The following NRG3 variants were observed in gnomAD, a reference collection of about 807,000 sequenced individuals.
NRG3 encodes the protein neuregulin 3, also known as pro-neuregulin-3, membrane-bound isoform.
A neutral mutation model predicts 66.9 loss-of-function variants in NRG3; 31 were observed. That is an observed-to-expected ratio of 0.46 (90% CI 0.35 to 0.63). The LOEUF (loss-of-function observed/expected upper bound fraction) is 0.63. Among genes scored for constraint, NRG3 ranks in the 20% least tolerant of loss-of-function variants. NRG3 has a pLI of 0.00. For synonymous variants in NRG3, 393 were observed against 359.4 expected (o/e 1.09, Z -1.06); for missense variants, 910 against 878.9 (o/e 1.04, Z -0.45).
intron 1 of NRG3, among the ~76,000 whole-genome samples, chr10:82,176,032 G>T (rs547340317): frequency 1.1e-3 from 168 of 152,246 alleles, no homozygotes; most frequent in Middle Eastern, 3.4e-3. Flanking sequence ...AATTGAAAAC[G>T]TGTTCATAAG....
In NRG3 at chr10:82,596,413, G is replaced by A. The variant is rs576497794; in HGVS notation, c.954-142164G>A. Among the ~76,000 whole-genome samples, 23 of 152,308 alleles carry A rather than the reference G, an allele frequency of 1.5e-4. No homozygotes were observed. In the South Asian group the frequency reaches 4.8e-3, roughly 32 times the overall value. On this transcript the variant is annotated intron_variant, in intron 2 of 8. Coordinates refer to ENST00000372141, the MANE Select transcript of NRG3 (RefSeq NM_001010848.4). ...GAGGCACGCATGTGAGAACCTCAGA[G>A]ACTCTGGGTAACTTCGGTGTCTGCA...
At chr10:81,887,446 A>T (rs1842700668) in intron 1 of NRG3, among the ~76,000 whole-genome samples, 1 of 152,300 alleles carries the variant, frequency 6.6e-6, no homozygotes, top group African/African-American at 2.4e-5. Flanking sequence ...TATCTGATCT[A>T]TTCCAAGGAT....
intron 1 of NRG3, among the ~76,000 whole-genome samples, chr10:82,347,502 T>C (rs1297826554): frequency 6.6e-6 from 1 of 151,558 alleles, no homozygotes. Context: ...TGGTCAATTT[T>C]GGAATAGGTG....
chr10:82,553,252 G>A (rs2044438912), intron 2 of NRG3, among the ~76,000 whole-genome samples: 1 of 151,668 alleles, frequency 6.6e-6, no homozygotes. Context: ...TTTAATTATT[G>A]TACTTTCTAC....
intron 1 of NRG3, among the ~76,000 whole-genome samples, chr10:81,923,356 C>T (rs1172355555): frequency 6.6e-6 from 1 of 152,186 alleles, no homozygotes; most frequent in East Asian, 1.9e-4. Flanking sequence ...CAGGCGCCCG[C>T]CACCGCGCCC....
chr10:82,730,508 A>T lies in NRG3; in HGVS notation c.954-8069A>T, dbSNP rs981231524. On this transcript the variant is annotated intron_variant, in intron 2 of 8. Transcript: ENST00000372141. ...TGTATTTGAAATCTATTGACAACAC[A>T]TTGGAAAACCTTCAAGAGTTCTAAA... 5.3e-5 allele frequency among the ~76,000 whole-genome samples: 8 copies of T among 152,356 alleles called. No homozygotes were observed. In the South Asian group the frequency reaches 8.3e-4, roughly 16 times the overall value.
intron 1 of NRG3, among the ~76,000 whole-genome samples, chr10:82,007,872 G>A (rs1300763233): frequency 6.6e-6 from 1 of 152,042 alleles, no homozygotes; most frequent in South Asian, 2.1e-4. Flanking sequence ...CATAAACACT[G>A]TTGAGCTCTA....
intron 1 of NRG3, among the ~76,000 whole-genome samples, chr10:82,093,849 T>C (rs1039948762): frequency 1.3e-5 from 2 of 152,216 alleles, no homozygotes; most frequent in Admixed American, 6.5e-5. Context: ...CCAATATTTT[T>C]GGCAGCCACC....
At chr10:81,918,943 C>A (rs2132844171) in intron 1 of NRG3, among the ~76,000 whole-genome samples, 1 of 148,228 alleles carries the variant, frequency 6.7e-6, no homozygotes, top group South Asian at 2.2e-4. Flanking sequence ...TTATTTATTT[C>A]AAATCATTAA....
intron 3 of NRG3, among the ~76,000 whole-genome samples, chr10:82,775,845 A>G (rs1306294581): frequency 1.3e-5 from 2 of 152,032 alleles, no homozygotes; most frequent in African/African-American, 4.8e-5. Context: ...ACTCCCCTAC[A>G]ATTTATACTT....
chr10:82,895,188 A>G (rs1437263150), intron 4 of NRG3, among the ~76,000 whole-genome samples: 3 of 152,116 alleles, frequency 2.0e-5, no homozygotes, highest in Non-Finnish European at 2.9e-5. Flanking sequence ...GGCAATTTCT[A>G]TATGATATTG....
intron 1 of NRG3, among the ~76,000 whole-genome samples, chr10:82,033,736 A>G (rs1400829257): frequency 2.2e-4 from 34 of 152,088 alleles, no homozygotes; most frequent in Non-Finnish European, 2.9e-5. Flanking sequence ...GGATTTGAGC[A>G]TGGTCCCTTT....
intron 4 of NRG3, among the ~76,000 whole-genome samples, chr10:82,930,387 T>C (rs1049959253): frequency 2.6e-5 from 4 of 152,200 alleles, no homozygotes; most frequent in Non-Finnish European, 4.4e-5. Flanking sequence ...ACTATCTGTC[T>C]TCAGAGACAC....
intron 1 of NRG3, 88 bp downstream of exon 1, chr10:81,876,251 TA>T (rs1841632671): frequency 6.8e-7 from 1 of 1,469,268 alleles, no homozygotes; most frequent in East Asian, 2.5e-5. Flanking sequence ...GCCTGTTTTC[TA>T]GCAAGCCCCC....
At chr10:81,965,983 G>C (rs944934527) in intron 1 of NRG3, among the ~76,000 whole-genome samples, 80 of 151,964 alleles carry the variant, frequency 5.3e-4, no homozygotes, top group Admixed American at 3.3e-3. Flanking sequence ...TGGAAATGCT[G>C]ACTTTTTTCT....
intron 8 of NRG3, among the ~76,000 whole-genome samples, chr10:82,981,486 G>C (rs945711607): frequency 6.6e-6 from 1 of 152,198 alleles, no homozygotes; most frequent in Non-Finnish European, 1.5e-5. Context: ...ATTCGTAATA[G>C]AATTTCACAG....
intron 1 of NRG3, among the ~76,000 whole-genome samples, chr10:82,111,674 CATG>C (rs1260123858): frequency 6.6e-6 from 1 of 152,102 alleles, no homozygotes; most frequent in African/African-American, 2.4e-5. Flanking sequence ...CACATTTATT[CATG>C]ATATTATTAA....
chr10:81,875,810 G>T lies in NRG3; in HGVS notation c.470G>T (p.Arg157Leu). 1 of 1,609,444 alleles carries T rather than the reference G, an allele frequency of 6.2e-7. No homozygotes were observed. The highest frequency in any genetic ancestry group is 8.5e-7 in the Non-Finnish European group (1 of 1,179,828). The change falls in exon 1 of 9, where the codon CGC becomes CTC. Residue 157 changes from arginine to leucine, a missense_variant. By Grantham distance (102) the Arg-to-Leu change is moderately radical (BLOSUM62 -2). Coordinates refer to ENST00000372141, the MANE Select transcript of NRG3 (RefSeq NM_001010848.4). This position sits in a 1 kb window ranked among gnomAD's most constrained non-coding sequence, Gnocchi z 5.3. Reference protein sequence around the residue: ...SSRTPNRISTRLTTITRAPTR... With the variant: ...SSRTPNRISTLLTTITRAPTR... ...AGGACGCCCAACCGGATTAGCACTC[G>T]CCTGACCACCATCACGCGGGCGCCC... is the stretch of plus-strand genomic sequence containing the variant.
At chr10:82,983,818 C>G (rs2132693089) in intron 8 of NRG3, among the ~76,000 whole-genome samples, 1 of 152,280 alleles carries the variant, frequency 6.6e-6, no homozygotes, top group East Asian at 1.9e-4. Context: ...CATGTGTTCA[C>G]TCAGTTCAAG....
Sources: allele counts gnomAD v4.1 joint callset (sites outside exome capture counted in the v4.1 genomes callset), GRCh38; gene constraint gnomAD v4.1.1; non-coding constraint Gnocchi (gnomAD v3.1); transcripts MANE v1.5; gene names NCBI Gene and HGNC (gene_info 2026-07-23, HGNC 2026-07-21).